Variants in KIF20B observed in about 807,000 individuals in gnomAD.
The protein encoded by KIF20B is kinesin family member 20B, also known as kinesin-like protein KIF20B.
KIF20B carries 188 observed loss-of-function variants against 232.5 expected under a neutral mutation model. That is an observed-to-expected ratio of 0.81 (90% CI 0.72 to 0.91). The LOEUF (loss-of-function observed/expected upper bound fraction) is 0.91. KIF20B is among the 40% of genes least tolerant of loss of function. The pLI is 0.00. For synonymous variants in KIF20B, 712 were observed against 683.0 expected (o/e 1.04, Z -0.66); for missense variants, 2,154 against 2,055.9 (o/e 1.05, Z -0.92).
chr10:89,739,265 C>T (rs1564667713), intron 21 of KIF20B, among the ~76,000 whole-genome samples, 169 bp downstream of exon 21: 1 of 152,076 alleles, frequency 6.6e-6, no homozygotes, highest in Non-Finnish European at 1.5e-5. Flanking sequence ...CTGATTTAAA[C>T]AAGCTGAAGA....
rs1564675316 is a variant in KIF20B, at chr10:89,762,832, G to A, written c.4986G>A (p.Glu1662=). 1.3e-6 allele frequency: 2 copies of A among 1,599,376 alleles called. No homozygotes were observed. Among genetic ancestry groups the A allele is most frequent in the East Asian group, 2.2e-5 (1 of 44,730 alleles). ...GGAAGAGGAAGAGTAATGAAATGGA[G>A]GAGGTAAATACTTAAGTGATGAGTA... ...KARKRKSNEM[E]EDLVKCENKK... Residue 1662 remains glutamate, a synonymous_variant, in exon 29 of 33, where the codon GAG becomes GAA. Coordinates refer to ENST00000371728, the MANE Select transcript of KIF20B (RefSeq NM_001284259.2).
chr10:89,718,992 T>C, intron 12 of KIF20B, 120 bp downstream of exon 12: 1 of 648,706 alleles, frequency 1.5e-6, no homozygotes. Flanking sequence ...AAGGTAAATA[T>C]TTAACCAAGT....
At chr10:89,757,177 G>T (rs1842147166) in intron 26 of KIF20B, among the ~76,000 whole-genome samples, 1 of 151,386 alleles carries the variant, frequency 6.6e-6, no homozygotes, top group Non-Finnish European at 1.5e-5. Context: ...AACTAGTGTT[G>T]CAGTAGCTGT....
chr10:89,727,063 C>T lies in KIF20B; in HGVS notation c.2230+542C>T, dbSNP rs139658436. ...TAGGCTCAAGTGATACTGCCTGCCT[C>T]GGCCTCCCAAAGTGCTGGGATTACA... On this transcript the variant is annotated intron_variant, in intron 16 of 32. Transcript: ENST00000371728. Among the ~76,000 whole-genome samples, 705 of 151,902 alleles carry T rather than the reference C, an allele frequency of 4.6e-3. 7 individuals are homozygous for T. Among genetic ancestry groups the T allele is most frequent in the African/African-American group, 0.016 (650 of 41,394 alleles).
chr10:89,705,228 G>T, intron 1 of KIF20B, 66 bp from the exon 2 acceptor site: 5 of 1,421,246 alleles, frequency 3.5e-6, no homozygotes, highest in Non-Finnish European at 4.9e-6. Flanking sequence ...CTAGACTTTT[G>T]AAAGTGTGGG....
chr10:89,741,665 G>A (rs1841798476), intron 21 of KIF20B, among the ~76,000 whole-genome samples: 1 of 152,098 alleles, frequency 6.6e-6, no homozygotes, highest in Non-Finnish European at 1.5e-5. Flanking sequence ...CCCTTTACTG[G>A]CAGTTTTGCT....
intron 18 of KIF20B, among the ~76,000 whole-genome samples, chr10:89,730,042 C>T (rs1239226872): frequency 2.0e-5 from 3 of 152,098 alleles, no homozygotes; most frequent in Non-Finnish European, 4.4e-5. Context: ...TCCTTTGTAT[C>T]TTGATAGTCA....
intron 32 of KIF20B, among the ~76,000 whole-genome samples, chr10:89,773,687 T>C (rs1842513179): frequency 6.6e-6 from 1 of 152,028 alleles, no homozygotes; most frequent in Non-Finnish European, 1.5e-5. Flanking sequence ...GAGGCACTTG[T>C]CTCCAAATAT....
Position 89,725,034 on chromosome 10 carries a change from A to C in KIF20B, c.1877A>C (p.Gln626Pro). Residue 626 changes from glutamine to proline, a missense_variant, in exon 15 of 33, where the codon CAA (glutamine) becomes CCA (proline). Coordinates refer to ENST00000371728, the MANE Select transcript of KIF20B (RefSeq NM_001284259.2). ...GTATTTTGAAGGGAGACTCTGCTTC[A>C]AGAACGAGAGATATTAGAAGAAAAT... ...READFKETLL[Q>P]EREILEENAE... The C allele has an allele frequency of 6.2e-7, 1 of 1,613,558 alleles. No homozygotes were observed. Among genetic ancestry groups the C allele is most frequent in the Non-Finnish European group, 8.5e-7 (1 of 1,179,706 alleles).
At chr10:89,705,972 G>C (rs1416785932) in intron 2 of KIF20B, among the ~76,000 whole-genome samples, 1 of 152,162 alleles carries the variant, frequency 6.6e-6, no homozygotes, top group Non-Finnish European at 1.5e-5. Flanking sequence ...TATAAATAAT[G>C]CTGCTTTGAA....
intron 25 of KIF20B, among the ~76,000 whole-genome samples, chr10:89,753,658 G>C (rs1032326353): frequency 1.3e-5 from 2 of 152,106 alleles, no homozygotes; most frequent in African/African-American, 4.8e-5. Context: ...ATCTTGCTCT[G>C]TTGCCAGGCT....
intron 13 of KIF20B, 129 bp from the exon 14 acceptor site, chr10:89,723,835 A>G (rs1843118283): frequency 2.6e-6 from 2 of 779,270 alleles, no homozygotes; most frequent in South Asian, 4.8e-5. Context: ...TGAGAACATT[A>G]TCACTATTAA....
In KIF20B at chr10:89,738,301, CA is replaced by C. The variant is rs1276338209; in HGVS notation, c.3462del (p.Gly1155ValfsTer9). 1.2e-6 allele frequency: 2 copies of C among 1,612,124 alleles called. No individual in the cohort carries two copies. The highest frequency in any genetic ancestry group is 1.7e-6 in the Non-Finnish European group (2 of 1,179,316). On this transcript the variant is annotated frameshift_variant, in exon 20 of 33. Coordinates refer to ENST00000371728, the MANE Select transcript of KIF20B (RefSeq NM_001284259.2). LOFTEE classifies it high-confidence loss of function. The stretch of plus-strand genomic sequence containing the variant: ...AAAGAGAGCGCTTTCAGAACTTACA[CA>C]AGGTGTTACTTGCTATAAGGCAAAA... ...EGKRALSELT[Q>X]GVTCYKAKIK...
At position 89,757,048 on chromosome 10, in the gene KIF20B, A is replaced by G. The variant is rs951620936; in HGVS notation, c.4504-1658A>G. Among the ~76,000 whole-genome samples the G allele has an allele frequency of 5.5e-3, 540 of 98,978 alleles. 7 individuals carry two copies. The highest frequency in any genetic ancestry group is 0.025 in the South Asian group (80 of 3,192). The allele number at this position is 98,978 out of a possible 152,430, so 64.9% of individuals were successfully genotyped here. ...TGTGTGTGTGTGTGTGTGTATATAT[A>G]TATATATATATATATATATATACAC... On this transcript the variant is annotated intron_variant, in intron 26 of 32. Coordinates refer to ENST00000371728, the MANE Select transcript of KIF20B (RefSeq NM_001284259.2).
rs528071715 is a variant in KIF20B, at chr10:89,764,325, T to C, written c.4989+1490T>C. 4.7e-3 allele frequency among the ~76,000 whole-genome samples: 710 copies of C among 152,264 alleles called. 6 individuals carry two copies. Among genetic ancestry groups the C allele is most frequent in the African/African-American group, 0.016 (656 of 41,556 alleles). ...TGGACATTTGGATTGGTTCCAAGTCTTTGCTATTGTGAATAGTGCCACAAT... is the reference window on the plus strand; with the variant it reads ...TGGACATTTGGATTGGTTCCAAGTCCTTGCTATTGTGAATAGTGCCACAAT... On this transcript the variant is annotated intron_variant, in intron 29 of 32. Transcript: ENST00000371728.
intron 16 of KIF20B, among the ~76,000 whole-genome samples, chr10:89,727,237 T>G (rs1239881182): frequency 6.7e-6 from 1 of 149,606 alleles, no homozygotes; most frequent in Non-Finnish European, 1.5e-5. Context: ...GGAGGGCATT[T>G]TCTTTTTCTG....
At chr10:89,702,895 G>T (rs955216191) in intron 1 of KIF20B, among the ~76,000 whole-genome samples, 3 of 152,176 alleles carry the variant, frequency 2.0e-5, no homozygotes, top group Middle Eastern at 3.4e-3. Flanking sequence ...CCATCAAGAA[G>T]TTTCCAGTTT....
At chr10:89,746,906 AAAAT>A (rs1190616635) in intron 23 of KIF20B, among the ~76,000 whole-genome samples, 1 of 152,270 alleles carries the variant, frequency 6.6e-6, no homozygotes, top group Non-Finnish European at 1.5e-5. Context: ...TATTCTTAGA[AAAAT>A]AAAATAAGTA....
intron 8 of KIF20B, 74 bp from the exon 9 acceptor site, chr10:89,716,362 T>C: frequency 1.5e-6 from 1 of 670,376 alleles, no homozygotes; most frequent in Non-Finnish European, 2.5e-6. Context: ...AGGAAAAGAC[T>C]TTCAAAGAGA....
Sources: allele counts gnomAD v4.1 joint callset (sites outside exome capture counted in the v4.1 genomes callset), GRCh38; gene constraint gnomAD v4.1.1; transcripts MANE v1.5; gene names NCBI Gene and HGNC (gene_info 2026-07-23, HGNC 2026-07-21).